The following LTF variants were observed in gnomAD, a reference collection of about 807,000 sequenced individuals.
LTF encodes epididymis luminal protein 110.
In LTF, 91 loss-of-function variants were observed where a neutral mutation model predicts 87.2. The observed-to-expected ratio is 1.04, with a 90% confidence interval of 0.88 to 1.24. The LOEUF is 1.24. Ranked by LOEUF, LTF falls within the 50% of genes most tolerant of loss-of-function variation. The pLI, the probability that LTF is intolerant of heterozygous loss-of-function variation, is 0.00. For synonymous variants in LTF, 378 were observed against 356.1 expected (o/e 1.06, Z -0.69); for missense variants, 901 against 904.3 (o/e 1.00, Z 0.05).
At chr3:46,481,412 T>C (rs1703430358) in intron 1 of LTF, among the ~76,000 whole-genome samples, 1 of 152,206 alleles carries the variant, frequency 6.6e-6, no homozygotes, top group Non-Finnish European at 1.5e-5. Context: ...TCCCAGCACT[T>C]TGGGTACCTA....
At chr3:46,448,556 CT>C (rs1259682821) in intron 9 of LTF, among the ~76,000 whole-genome samples, 1 of 152,162 alleles carries the variant, frequency 6.6e-6, no homozygotes, top group African/African-American at 2.4e-5. Flanking sequence ...ATGTCTGTCC[CT>C]CTGTGTGAGA....
At chr3:46,467,175 C>T (rs1703227174), upstream of LTF, among the ~76,000 whole-genome samples, 1 of 152,038 alleles carries the variant, frequency 6.6e-6, no homozygotes, top group Non-Finnish European at 1.5e-5. Context: ...GATGAGTCTG[C>T]CCCAAAAAAC....
intron 2 of LTF, among the ~76,000 whole-genome samples, chr3:46,458,424 G>A (rs145676388): frequency 7.9e-5 from 12 of 152,308 alleles, no homozygotes; most frequent in Admixed American, 5.2e-4. Flanking sequence ...GAGATCAGAC[G>A]CGTTCAGCGT....
intron 16 of LTF, among the ~76,000 whole-genome samples, 192 bp downstream of exon 16, chr3:46,437,747 AT>A (rs1702418398): frequency 6.6e-6 from 1 of 152,222 alleles, no homozygotes; most frequent in Non-Finnish European, 1.5e-5. Context: ...ATTTATAAAA[AT>A]TTATTACATA....
At chr3:46,468,931 C>A (rs576129009), upstream of LTF, among the ~76,000 whole-genome samples, 142 of 152,308 alleles carry the variant, frequency 9.3e-4, no homozygotes, top group African/African-American at 3.1e-3. Flanking sequence ...TCCTTCCACA[C>A]CCCCAGAGGG....
intron 2 of LTF, among the ~76,000 whole-genome samples, chr3:46,458,317 A>G (rs1333873970): frequency 6.6e-6 from 1 of 152,182 alleles, no homozygotes; most frequent in Non-Finnish European, 1.5e-5. Context: ...CAATAATACA[A>G]GTTTTATTTT....
intron 1 of LTF, among the ~76,000 whole-genome samples, chr3:46,473,335 T>A (rs918425589): frequency 2.0e-5 from 3 of 152,216 alleles, no homozygotes; most frequent in African/African-American, 4.8e-5. Flanking sequence ...CAATGTGTAC[T>A]CAACTGTGAA....
chr3:46,448,362 G>A (rs1413676921), intron 9 of LTF, among the ~76,000 whole-genome samples: 3 of 111,756 alleles, frequency 2.7e-5, no homozygotes, highest in Non-Finnish European at 5.4e-5. Context: ...TCAAGAATCT[G>A]TCTCTTAAAA....
chr3:46,448,696 C>T lies in LTF; in HGVS notation c.1212+167G>A, dbSNP rs141769722. Among the ~76,000 whole-genome samples the T allele has an allele frequency of 6.8e-3, 1,031 of 152,314 alleles. 6 individuals carry two copies. Among genetic ancestry groups the T allele is most frequent in the Middle Eastern group, 0.037 (11 of 294 alleles). ...GGAGTGGGAAACCCACAGTAAACTG[C>T]TTTTTGAAACTAAAATGCTTTCTGG... On this transcript the variant is annotated intron_variant, in intron 9 of 16. Transcript: ENST00000231751.
intron 15 of LTF, 85 bp from the exon 16 acceptor site, chr3:46,438,214 A>G (rs1702433235): frequency 8.8e-7 from 1 of 1,132,628 alleles, no homozygotes; most frequent in Non-Finnish European, 1.3e-6. Context: ...TCTTCCACCC[A>G]AGAACAGCCC....
chr3:46,475,660 A>G (rs1314593759), intron 1 of LTF, among the ~76,000 whole-genome samples: 1 of 152,158 alleles, frequency 6.6e-6, no homozygotes, highest in Non-Finnish European at 1.5e-5. Flanking sequence ...CCAATTGACC[A>G]TTAGAGACCA....
chr3:46,460,444 A>G lies in LTF; in HGVS notation c.44-625T>C, dbSNP rs191484945. 5.2e-4 allele frequency: 211 copies of G among 408,076 alleles called. 2 individuals are homozygous for G. The highest frequency in any genetic ancestry group is 4.0e-3 in the African/African-American group (198 of 49,078). 25.3% of individuals were successfully genotyped at this position (408,076 alleles called of 1,614,324 possible). A position where few individuals can be genotyped will look rare whatever the true frequency, so the allele number is the denominator to read the frequency against. Reference sequence around the variant, plus strand: ...TGAGCTACCACCATTCACTCTGCACAGAAAGACTGGTGCTCCTGTTGAGCC... The same window carrying G: ...TGAGCTACCACCATTCACTCTGCACGGAAAGACTGGTGCTCCTGTTGAGCC... On this transcript the variant is annotated intron_variant, in intron 1 of 16. Transcript: ENST00000231751.
intron 6 of LTF, among the ~76,000 whole-genome samples, chr3:46,453,508 GTC>G (rs1163136432): frequency 6.6e-6 from 1 of 151,946 alleles, no homozygotes. Flanking sequence ...TGTGGGTGTT[GTC>G]TCTTTCTCTG....
At chr3:46,471,137 G>A (rs899524260) in intron 1 of LTF, among the ~76,000 whole-genome samples, 1 of 152,116 alleles carries the variant, frequency 6.6e-6, no homozygotes, top group African/African-American at 2.4e-5. Context: ...GGAGAGAGTG[G>A]CAGAGTCTGT....
intron 1 of LTF, among the ~76,000 whole-genome samples, chr3:46,460,094 C>T (rs1005164159): frequency 1.3e-5 from 2 of 152,292 alleles, no homozygotes; most frequent in East Asian, 3.9e-4. Flanking sequence ...ATGTTTCCTA[C>T]CACTTAAAAA....
chr3:46,460,290 AT>A (rs974666410), intron 1 of LTF, among the ~76,000 whole-genome samples: 11 of 152,136 alleles, frequency 7.2e-5, no homozygotes, highest in African/African-American at 2.7e-4. Context: ...GTCTCTCTAG[AT>A]TGTTTTGTGC....
At chr3:46,467,338 A>G (rs972726657), upstream of LTF, among the ~76,000 whole-genome samples, 8 of 152,124 alleles carry the variant, frequency 5.3e-5, no homozygotes, top group Admixed American at 5.2e-4. Flanking sequence ...AGTCACAGGA[A>G]TGCACTTCTA....
rs34278344 is a variant in LTF, at chr3:46,435,731, C to T, written c.*464G>A. On this transcript the variant is annotated 3_prime_UTR_variant, in exon 17 of 17. Transcript: ENST00000231751. ...ATTTCAGTTATAATTCCTATGCTTG[C>T]TCTTCCTGCCCTGCCTTGGGGACAC... 44,433 of 163,402 alleles carry T rather than the reference C, an allele frequency of 0.27. 7,047 individuals are homozygous for T. The highest frequency in any genetic ancestry group is 0.39 in the Middle Eastern group (128 of 328). 10.1% of individuals were successfully genotyped at this position (163,402 alleles called of 1,614,324 possible). A position where few individuals can be genotyped will look rare whatever the true frequency, so the allele number is the denominator to read the frequency against.
Position 46,450,507 on chromosome 3 carries a change from G to A in LTF, c.870C>T (p.Leu290=). ...TGGGTGAAGATACCTGTGCCTGGCG[G>A]AGAAGATTCCAGATGGCATCCTCCT... The part of the protein sequence containing the change: ...NGKEDAIWNL[L]RQAQEKFGKD... The change falls in exon 7 of 17, where the codon CTC becomes CTT. Residue 290 remains leucine, a synonymous_variant. Transcript: ENST00000231751. The A allele has an allele frequency of 6.2e-7, 1 of 1,612,328 alleles. No individual in the cohort carries two copies.
Sources: gnomAD v4.1 joint callset for allele counts (sites outside exome capture counted in the v4.1 genomes callset) on GRCh38, gnomAD v4.1.1 for gene constraint, MANE v1.5 for transcripts, NCBI Gene and HGNC (gene_info 2026-07-23, HGNC 2026-07-21) for gene names.